Variants in HDAC9 observed in about 807,000 individuals in gnomAD.
HDAC9 encodes the protein histone deacetylase 9.
A neutral mutation model predicts 139.4 loss-of-function variants in HDAC9; 41 were observed. That is an observed-to-expected ratio of 0.29 (90% CI 0.23 to 0.38). The LOEUF (loss-of-function observed/expected upper bound fraction) is 0.38, where lower values mean the gene tolerates loss of function less well. Ranked by LOEUF, HDAC9 falls within the 10% of genes least tolerant of loss-of-function variation. HDAC9 has a pLI of 1.00. For missense variants in HDAC9, 1,147 were observed against 1,297.0 expected, an observed-to-expected ratio of 0.88 and a Z score of 1.78; for synonymous variants, 517 against 476.2, an observed-to-expected ratio of 1.09 and a Z score of -1.12.
At chr7:18,149,752 C>T (rs1418996468) in intron 1 of HDAC9, among the ~76,000 whole-genome samples, 1 of 152,022 alleles carries the variant, frequency 6.6e-6, no homozygotes, top group African/African-American at 2.4e-5. Context: ...GACAGGGTTT[C>T]ACTGTGTTAG....
intron 16 of HDAC9, among the ~76,000 whole-genome samples, chr7:18,772,457 C>A (rs779350713): frequency 1.1e-4 from 16 of 152,050 alleles, no homozygotes; most frequent in Non-Finnish European, 2.1e-4. Context: ...AAGCACAATG[C>A]CTTTTGTTAC....
intron 7 of HDAC9, 39 bp downstream of exon 7, chr7:18,629,520 A>C (rs1781681787): frequency 6.4e-7 from 1 of 1,563,466 alleles, no homozygotes; most frequent in African/African-American, 1.4e-5. Context: ...TGCTGGGAGT[A>C]GGAATGAAAA....
rs1003043915 is a variant in HDAC9 at position 18,549,201 on chromosome 7, G to A, written c.23-36080G>A. Among the ~76,000 whole-genome samples the A allele has an allele frequency of 2.0e-5, 3 of 152,150 alleles. No individual in the cohort carries two copies. In the East Asian group the frequency reaches 5.8e-4, roughly 29 times the overall value. ...TGCAGTGAGCTGAGATTGCACCACTGCACTCCAGCCTGGTGACAGAGCAAG... is the reference window on the plus strand; with the variant it reads ...TGCAGTGAGCTGAGATTGCACCACTACACTCCAGCCTGGTGACAGAGCAAG... On this transcript the variant is annotated intron_variant, in intron 2 of 25. Coordinates refer to ENST00000686413, the MANE Select transcript of HDAC9 (RefSeq NM_178425.4).
intron 22 of HDAC9, among the ~76,000 whole-genome samples, chr7:18,921,199 A>T (rs1356587305): frequency 1.3e-5 from 2 of 152,176 alleles, no homozygotes; most frequent in African/African-American, 4.8e-5. Flanking sequence ...TAAAACACCA[A>T]AGCAATGGCA....
intron 2 of HDAC9, among the ~76,000 whole-genome samples, chr7:18,548,687 A>G (rs1372460828): frequency 5.9e-5 from 9 of 152,216 alleles, no homozygotes; most frequent in Non-Finnish European, 5.9e-5. Context: ...AGTAAAATAA[A>G]CAACCAGAGC....
chr7:18,169,761 G>A (rs535999316), intron 2 of HDAC9, among the ~76,000 whole-genome samples: 1 of 152,170 alleles, frequency 6.6e-6, no homozygotes, highest in African/African-American at 2.4e-5. Context: ...GTTTCCAGCT[G>A]TATCCATATC....
At chr7:18,500,572 A>G (rs1206925604) in intron 2 of HDAC9, among the ~76,000 whole-genome samples, 5 of 152,182 alleles carry the variant, frequency 3.3e-5, no homozygotes, top group African/African-American at 1.2e-4. Flanking sequence ...AGATTCCCAA[A>G]TCTGAAGAGA....
At chr7:18,412,256 T>C (rs1429645975) in intron 1 of HDAC9, among the ~76,000 whole-genome samples, 1 of 152,196 alleles carries the variant, frequency 6.6e-6, no homozygotes, top group Non-Finnish European at 1.5e-5. Flanking sequence ...GAATAGGTTA[T>C]AAGGATTTGT....
chr7:18,895,300 C>T (rs1338432109), intron 22 of HDAC9, among the ~76,000 whole-genome samples: 2 of 151,942 alleles, frequency 1.3e-5, no homozygotes, highest in African/African-American at 2.4e-5. Flanking sequence ...ATCTGATGTA[C>T]TAAGGATTTT....
At chr7:18,488,084 A>T (rs1796103977) in intron 1 of HDAC9, among the ~76,000 whole-genome samples, 1 of 152,050 alleles carries the variant, frequency 6.6e-6, no homozygotes, top group Non-Finnish European at 1.5e-5. Context: ...TGAAGATCAG[A>T]ATGCTAATCC....
At chr7:18,218,930 T>C (rs569853641) in intron 2 of HDAC9, among the ~76,000 whole-genome samples, 27 of 152,278 alleles carry the variant, frequency 1.8e-4, no homozygotes, top group African/African-American at 6.5e-4. Context: ...GAAATGTTAC[T>C]CCTGGGTCAA....
chr7:18,905,884 C>CT (rs1476891260), intron 22 of HDAC9, among the ~76,000 whole-genome samples: 59 of 151,624 alleles, frequency 3.9e-4, no homozygotes, highest in Admixed American at 6.6e-4. Context: ...TCTTTTCCTT[C>CT]TTTCCTTTCT....
chr7:18,552,072 A>G (rs900515474), intron 2 of HDAC9, among the ~76,000 whole-genome samples: 13 of 152,182 alleles, frequency 8.5e-5, no homozygotes, highest in African/African-American at 3.1e-4. Context: ...TTATCAAGTA[A>G]TCCTGTGTAG....
chr7:18,125,585 A>G (rs956822154), intron 1 of HDAC9, among the ~76,000 whole-genome samples: 4 of 152,074 alleles, frequency 2.6e-5, no homozygotes, highest in Non-Finnish European at 4.4e-5. Flanking sequence ...TGGGACATGT[A>G]GACAGGGATT....
intron 2 of HDAC9, among the ~76,000 whole-genome samples, chr7:18,272,355 A>G (rs80223264): frequency 3.9e-5 from 6 of 152,184 alleles, no homozygotes; most frequent in African/African-American, 1.2e-4. Context: ...TAAAAAATAC[A>G]TATATAGTGT....
intron 2 of HDAC9, among the ~76,000 whole-genome samples, chr7:18,193,535 A>G (rs911086154): frequency 1.3e-5 from 2 of 152,204 alleles, no homozygotes; most frequent in African/African-American, 4.8e-5. Context: ...ATGCTATATA[A>G]CACAATATGC....
chr7:18,740,683 A>T (rs1228320910), intron 13 of HDAC9, among the ~76,000 whole-genome samples: 1 of 152,190 alleles, frequency 6.6e-6, no homozygotes, highest in African/African-American at 2.4e-5. Flanking sequence ...CATGTCTCCC[A>T]ATTTCAATCA....
chr7:18,550,532 T>G (rs1667690840), intron 2 of HDAC9, among the ~76,000 whole-genome samples: 1 of 152,228 alleles, frequency 6.6e-6, no homozygotes, highest in African/African-American at 2.4e-5. Flanking sequence ...CGTAAGTAAA[T>G]TTTAGAAGTT....
intron 1 of HDAC9, among the ~76,000 whole-genome samples, chr7:18,456,709 G>T (rs867901438): frequency 6.6e-6 from 1 of 152,136 alleles, no homozygotes; most frequent in African/African-American, 2.4e-5. Context: ...CTCTCTTCCT[G>T]TGTCTATAAA....
Sources: allele counts gnomAD v4.1 joint callset (sites outside exome capture counted in the v4.1 genomes callset), GRCh38; gene constraint gnomAD v4.1.1; transcripts MANE v1.5; gene names NCBI Gene and HGNC (gene_info 2026-07-23, HGNC 2026-07-21).